STAC: variants seen among roughly 807,000 people sequenced by gnomAD.
STAC encodes SH3 and cysteine rich domain, also known as SH3 and cysteine-rich domain-containing protein.
Under a neutral mutation model 48.8 loss-of-function variants are expected in STAC, and 43 were observed. The observed-to-expected ratio is 0.88, with a 90% CI of 0.69 to 1.14. The LOEUF is 1.14. Among genes scored for constraint, STAC ranks in the 50% most tolerant of loss-of-function variants. The pLI is 0.00. For synonymous variants in STAC, 193 were observed against 179.5 expected (o/e 1.07, Z -0.60); for missense variants, 497 against 504.0 (o/e 0.99, Z 0.13).
intron 1 of STAC, among the ~76,000 whole-genome samples, chr3:36,415,112 G>C (rs1201855121): frequency 6.6e-6 from 1 of 152,198 alleles, no homozygotes; most frequent in African/African-American, 2.4e-5. Context: ...GCTACTCGGT[G>C]ATCAGGGACC....
At chr3:36,510,114 G>GA (rs1209307936) in intron 8 of STAC, among the ~76,000 whole-genome samples, 1 of 151,624 alleles carries the variant, frequency 6.6e-6, no homozygotes, top group African/African-American at 2.4e-5. Flanking sequence ...AAATTTACAA[G>GA]AAAAAAACCC....
intron 6 of STAC, 102 bp from the exon 7 acceptor site, chr3:36,504,291 T>G (rs1263400212): frequency 1.8e-6 from 2 of 1,095,506 alleles, no homozygotes; most frequent in Non-Finnish European, 2.7e-6. Context: ...AGTAGTAAAG[T>G]AGAAGCTATG....
At chr3:36,463,492 T>A (rs1296561604) in intron 2 of STAC, among the ~76,000 whole-genome samples, 1 of 148,090 alleles carries the variant, frequency 6.8e-6, no homozygotes, top group African/African-American at 2.5e-5. Context: ...TTTTTTTTAA[T>A]TTTTTTTGGT....
intron 8 of STAC, among the ~76,000 whole-genome samples, chr3:36,521,409 T>C (rs1488415180): frequency 6.6e-6 from 1 of 152,100 alleles, no homozygotes; most frequent in Non-Finnish European, 1.5e-5. Context: ...CATGACAACA[T>C]TTAGTGAACA....
chr3:36,441,298 G>A (rs1469720063), intron 1 of STAC, among the ~76,000 whole-genome samples: 4 of 151,698 alleles, frequency 2.6e-5, no homozygotes, highest in African/African-American at 9.7e-5. Flanking sequence ...TAACTTCTAC[G>A]AGATCAACTT....
At chr3:36,425,055 A>T (rs1700531961) in intron 1 of STAC, among the ~76,000 whole-genome samples, 1 of 152,166 alleles carries the variant, frequency 6.6e-6, no homozygotes, top group African/African-American at 2.4e-5. Context: ...AGTACAGGAT[A>T]TTTGCCATCT....
intron 1 of STAC, among the ~76,000 whole-genome samples, chr3:36,437,041 G>A (rs1277345933): frequency 6.6e-6 from 1 of 151,812 alleles, no homozygotes; most frequent in East Asian, 1.9e-4. Context: ...ACCATCACTG[G>A]CCATCAGAGA....
intron 2 of STAC, among the ~76,000 whole-genome samples, chr3:36,456,440 G>A (rs571138483): frequency 3.9e-5 from 6 of 152,178 alleles, no homozygotes; most frequent in Non-Finnish European, 8.8e-5. Flanking sequence ...AAGTTTAAAT[G>A]AGCCAGTACC....
intron 2 of STAC, among the ~76,000 whole-genome samples, chr3:36,456,598 C>G (rs1386213305): frequency 1.3e-5 from 2 of 152,088 alleles, no homozygotes; most frequent in Non-Finnish European, 2.9e-5. Context: ...ACATCAACTG[C>G]CAGAAGTTTG....
chr3:36,405,735 T>G (rs1450175615), intron 1 of STAC, among the ~76,000 whole-genome samples: 1 of 152,212 alleles, frequency 6.6e-6, no homozygotes, highest in Non-Finnish European at 1.5e-5. Flanking sequence ...CTTTCTTCTT[T>G]TAGAGACAAG....
chr3:36,511,322 A>T (rs1265920239), intron 8 of STAC, among the ~76,000 whole-genome samples: 1 of 152,220 alleles, frequency 6.6e-6, no homozygotes, highest in Non-Finnish European at 1.5e-5. Context: ...AATTAAACAC[A>T]TTGGTGCCTA....
intron 1 of STAC, among the ~76,000 whole-genome samples, chr3:36,419,118 T>C (rs1177883439): frequency 6.6e-6 from 1 of 152,136 alleles, no homozygotes; most frequent in Non-Finnish European, 1.5e-5. Flanking sequence ...ATAACATAAT[T>C]GTTTAAACTT....
chr3:36,415,080 C>G (rs917767625), intron 1 of STAC, among the ~76,000 whole-genome samples: 5 of 152,202 alleles, frequency 3.3e-5, no homozygotes, highest in Admixed American at 3.3e-4. Context: ...TCTGCCCCTA[C>G]TGGGGAGTGC....
chr3:36,515,985 T>C (rs1698663330), intron 8 of STAC, among the ~76,000 whole-genome samples: 1 of 139,462 alleles, frequency 7.2e-6, no homozygotes, highest in Admixed American at 7.2e-5. Flanking sequence ...CTTTTTTTTT[T>C]TTTTTTTTTT....
chr3:36,449,288 A>T (rs1696615335), intron 2 of STAC, among the ~76,000 whole-genome samples: 1 of 152,234 alleles, frequency 6.6e-6, no homozygotes. Context: ...AGTGGAGAAC[A>T]GAGGCAGTGG....
Position 36,414,295 on chromosome 3 carries a change from A to G in STAC, c.112-29069A>G, listed in dbSNP as rs1439975890. ...TTTCCAACTGGGTTCAATTCTCCCC[A>G]TCACTTTCAGGTACACCAATCAGAC... On this transcript the variant is annotated intron_variant, in intron 1 of 10. Transcript: ENST00000273183. Among the ~76,000 whole-genome samples, 9 of 152,108 alleles carry G rather than the reference A, an allele frequency of 5.9e-5. No individual in the cohort carries two copies. In the South Asian group the frequency reaches 1.7e-3, roughly 28 times the overall value.
At position 36,419,455 on chromosome 3, in the gene STAC, T is replaced by C. The variant is rs553758295; in HGVS notation, c.112-23909T>C. 1.5e-4 allele frequency among the ~76,000 whole-genome samples: 23 copies of C among 152,310 alleles called. No homozygotes were observed. In the South Asian group the frequency reaches 2.5e-3, roughly 16 times the overall value. On this transcript the variant is annotated intron_variant, in intron 1 of 10. Coordinates refer to ENST00000273183, the MANE Select transcript of STAC (RefSeq NM_003149.3). ...AGGCAAATGAGTAGAAGAAATGGCA[T>C]ACAAATTTGTTAGTGTGTGTGTGGG... is the stretch of plus-strand genomic sequence containing the variant.
rs985971892 is a variant in STAC, at chr3:36,528,447, G to A, written c.921-249G>A. Among the ~76,000 whole-genome samples, 8 of 148,478 alleles carry A rather than the reference G, an allele frequency of 5.4e-5. 1 individual carries two copies. The South Asian group carries it at 1.1e-3, about 20-fold the overall frequency. On this transcript the variant is annotated intron_variant, in intron 8 of 10. Coordinates refer to ENST00000273183, the MANE Select transcript of STAC (RefSeq NM_003149.3). ...TCATGCCACTGCACTCCAGCCTGGC[G>A]ACAGAGCGAGACTCTGTTTAAAAAA... is the stretch of plus-strand genomic sequence containing the variant.
intron 1 of STAC, among the ~76,000 whole-genome samples, chr3:36,398,681 GAAAGAAAGA>G (rs1050977753): frequency 6.2e-5 from 9 of 144,656 alleles, no homozygotes; most frequent in Non-Finnish European, 1.1e-4. Context: ...AGGAAAGAAA[GAAAGAAAGA>G]AAAGAAAGAA....
Sources: gnomAD v4.1 joint callset for allele counts (sites outside exome capture counted in the v4.1 genomes callset) on GRCh38, gnomAD v4.1.1 for gene constraint, MANE v1.5 for transcripts, NCBI Gene and HGNC (gene_info 2026-07-23, HGNC 2026-07-21) for gene names.